The following ZNF407 variants were observed in gnomAD, a reference collection of about 807,000 sequenced individuals.
The protein encoded by ZNF407 is zinc finger protein 407.
ZNF407 carries 17 observed loss-of-function variants against 131.2 expected under a neutral mutation model. The observed-to-expected ratio is 0.13, with a 90% CI of 0.09 to 0.19. The LOEUF is 0.19. Among genes scored for constraint, ZNF407 ranks in the 10% least tolerant of loss-of-function variants. The probability of loss-of-function intolerance (pLI) is 1.00; values close to 1 mark genes in which losing one functional copy is unlikely to be tolerated. For synonymous variants in ZNF407, 1,156 were observed against 1,062.0 expected (o/e 1.09, Z -1.72); for missense variants, 2,681 against 2,830.6 (o/e 0.95, Z 1.20).
chr18:74,888,523 A>G (rs915835560), intron 6 of ZNF407, among the ~76,000 whole-genome samples: 2 of 152,196 alleles, frequency 1.3e-5, no homozygotes, highest in Non-Finnish European at 2.9e-5. Context: ...TTCAGAGGCT[A>G]AATTTTCATC....
intron 4 of ZNF407, among the ~76,000 whole-genome samples, chr18:74,874,348 T>C: frequency 6.6e-6 from 1 of 152,364 alleles, no homozygotes; most frequent in Non-Finnish European, 1.5e-5. Context: ...AACAGACCTC[T>C]TTAATATACT....
At chr18:74,948,831 T>A (rs1395733293) in intron 8 of ZNF407, among the ~76,000 whole-genome samples, 1 of 152,176 alleles carries the variant, frequency 6.6e-6, no homozygotes, top group African/African-American at 2.4e-5. Flanking sequence ...GGCCTTAAAA[T>A]AAGATTTCAA....
intron 3 of ZNF407, among the ~76,000 whole-genome samples, chr18:74,658,785 T>TTA (rs1985588829): frequency 6.6e-6 from 1 of 152,198 alleles, no homozygotes; most frequent in Admixed American, 6.5e-5. Flanking sequence ...ATTTTTTGCT[T>TTA]GGAGTGTTCT....
At chr18:74,820,018 C>A (rs1335666312) in intron 4 of ZNF407, among the ~76,000 whole-genome samples, 1 of 152,102 alleles carries the variant, frequency 6.6e-6, no homozygotes, top group Non-Finnish European at 1.5e-5. Context: ...AAAATCAGCA[C>A]TGAAGGAGGG....
At chr18:74,615,122 C>G (rs114464812) in intron 1 of ZNF407, among the ~76,000 whole-genome samples, 2 of 152,204 alleles carry the variant, frequency 1.3e-5, no homozygotes, top group Admixed American at 6.5e-5. Flanking sequence ...GACAGAGCTT[C>G]AAGGTGGAAG....
chr18:74,681,612 C>T (rs1405308873), intron 3 of ZNF407, among the ~76,000 whole-genome samples: 12 of 152,198 alleles, frequency 7.9e-5, no homozygotes, highest in Non-Finnish European at 1.3e-4. Context: ...TAGATTTGTA[C>T]GATGTCTTTA....
chr18:74,811,833 A>G (rs1970200334), intron 4 of ZNF407, among the ~76,000 whole-genome samples: 1 of 149,226 alleles, frequency 6.7e-6, no homozygotes, highest in Non-Finnish European at 1.5e-5. Context: ...ATGAGAACAC[A>G]TGGACACAGG....
At chr18:74,803,877 C>A in intron 4 of ZNF407, 1 of 1,400,078 alleles carries the variant, frequency 7.1e-7, no homozygotes, top group Non-Finnish European at 9.8e-7. Context: ...TCAGGAATGA[C>A]GGAGCGAAAA....
intron 1 of ZNF407, among the ~76,000 whole-genome samples, chr18:74,620,195 T>A (rs1983459339): frequency 6.6e-6 from 1 of 152,190 alleles, no homozygotes; most frequent in South Asian, 2.1e-4. Context: ...TACAGTTAAT[T>A]TTATTACTGG....
chr18:74,643,932 TAAC>T (rs1029167491), intron 3 of ZNF407, among the ~76,000 whole-genome samples: 17 of 152,004 alleles, frequency 1.1e-4, no homozygotes, highest in African/African-American at 4.1e-4. Context: ...TGGCAAATCT[TAAC>T]TACCGTATAT....
chr18:74,773,979 G>T (rs878983725), intron 3 of ZNF407, among the ~76,000 whole-genome samples: 4 of 152,178 alleles, frequency 2.6e-5, no homozygotes, highest in African/African-American at 9.7e-5. Context: ...TGACTGTTGG[G>T]CCTGGAAGGC....
chr18:74,881,693 A>G (rs1178204772), intron 6 of ZNF407, among the ~76,000 whole-genome samples: 1 of 152,186 alleles, frequency 6.6e-6, no homozygotes, highest in Non-Finnish European at 1.5e-5. Flanking sequence ...AAAACATCAA[A>G]CAGCAACATG....
chr18:75,033,568 A>C (rs1599304174), intron 8 of ZNF407, among the ~76,000 whole-genome samples: 2 of 152,310 alleles, frequency 1.3e-5, no homozygotes, highest in East Asian at 3.9e-4. Context: ...GTGACGGTGG[A>C]GAGGTGGCAG....
chr18:74,641,389 T>A (rs1419371686), intron 3 of ZNF407, among the ~76,000 whole-genome samples: 1 of 152,164 alleles, frequency 6.6e-6, no homozygotes, highest in Admixed American at 6.5e-5. Flanking sequence ...GGATGTTCAT[T>A]CACATTGCCA....
At chr18:74,755,833 T>TTCCCTCCC (rs1189718810) in intron 3 of ZNF407, among the ~76,000 whole-genome samples, 10 of 89,614 alleles carry the variant, frequency 1.1e-4, no homozygotes, top group African/African-American at 4.8e-4. Flanking sequence ...CCTCCCTCCC[T>TTCCCTCCC]TCCCTCCCTC....
intron 3 of ZNF407, among the ~76,000 whole-genome samples, chr18:74,670,772 G>T (rs1986109972): frequency 1.3e-5 from 2 of 152,044 alleles, no homozygotes; most frequent in South Asian, 4.1e-4. Flanking sequence ...TTAACTCCTG[G>T]GTCCTGCCTC....
chr18:74,724,626 C>G (rs537773501), intron 3 of ZNF407, among the ~76,000 whole-genome samples: 4 of 152,188 alleles, frequency 2.6e-5, no homozygotes, highest in African/African-American at 7.2e-5. Flanking sequence ...TCTGCTTTTG[C>G]ACTACATTAT....
At chr18:75,033,205 C>T (rs529307091) in intron 8 of ZNF407, among the ~76,000 whole-genome samples, 3 of 122,804 alleles carry the variant, frequency 2.4e-5, no homozygotes, top group African/African-American at 6.5e-5. Context: ...TTAGAGTGCT[C>T]GGAATGGGGG....
intron 6 of ZNF407, among the ~76,000 whole-genome samples, chr18:74,883,851 G>C (rs1971272126): frequency 6.6e-6 from 1 of 152,176 alleles, no homozygotes; most frequent in Non-Finnish European, 1.5e-5. Flanking sequence ...GCTTGTAACG[G>C]AAAGTGTGAA....
Sources: allele counts gnomAD v4.1 joint callset (sites outside exome capture counted in the v4.1 genomes callset), GRCh38; gene constraint gnomAD v4.1.1; transcripts MANE v1.5; gene names NCBI Gene and HGNC (gene_info 2026-07-23, HGNC 2026-07-21).